The following THNSL2 variants were observed in gnomAD, a reference collection of about 807,000 sequenced individuals.
THNSL2 encodes threonine synthase-like 2.
Under a neutral mutation model 40.0 loss-of-function variants are expected in THNSL2, and 34 were observed. The ratio of observed to expected loss-of-function variants is 0.85; its 90% CI spans 0.65 to 1.13. The LOEUF is 1.13. THNSL2 is among the 50% of genes most tolerant of loss of function. The pLI is 0.00. For synonymous variants in THNSL2, 241 were observed against 247.5 expected, an observed-to-expected ratio of 0.97 and a Z score of 0.25; for missense variants, 537 against 608.8, an observed-to-expected ratio of 0.88 and a Z score of 1.24.
At chr2:88,184,503 G>A (rs115513385) in intron 7 of THNSL2, among the ~76,000 whole-genome samples, 3,750 of 152,156 alleles carry the variant, frequency 0.025, 156 homozygotes, top group African/African-American at 0.086. Flanking sequence ...GATGGCTCAC[G>A]CCTCTAATCC....
At chr2:88,183,958 A>G (rs1677984152) in intron 7 of THNSL2, among the ~76,000 whole-genome samples, 1 of 152,198 alleles carries the variant, frequency 6.6e-6, no homozygotes, top group Non-Finnish European at 1.5e-5. Context: ...TCTAGCTTAC[A>G]CAGTCTGATT....
intron 5 of THNSL2, among the ~76,000 whole-genome samples, chr2:88,179,740 A>G (rs1440501839): frequency 6.6e-6 from 1 of 152,234 alleles, no homozygotes; most frequent in African/African-American, 2.4e-5. Flanking sequence ...TGCTTTTCAC[A>G]TATGAACTCA....
chr2:88,185,509 G>T, intron 8 of THNSL2, 30 bp downstream of exon 8: 1 of 1,580,336 alleles, frequency 6.3e-7, no homozygotes, highest in East Asian at 2.3e-5. Flanking sequence ...GGGCCACTGA[G>T]GGACCATTTG....
intron 8 of THNSL2, 188 bp from the exon 9 acceptor site, chr2:88,185,710 G>A (rs924752554): frequency 1.7e-5 from 26 of 1,551,162 alleles, no homozygotes; most frequent in Non-Finnish European, 2.3e-5. Flanking sequence ...CCAACCAGGA[G>A]GAGCAGTTTG....
intron 1 of THNSL2, chr2:88,171,322 G>A (rs1234035092): frequency 4.4e-6 from 2 of 456,562 alleles, no homozygotes; most frequent in Non-Finnish European, 8.8e-6. Flanking sequence ...GTGCTCATCA[G>A]GCCAGCTCCT....
At chr2:88,180,166 C>T (rs1014558768) in intron 5 of THNSL2, among the ~76,000 whole-genome samples, 1 of 152,350 alleles carries the variant, frequency 6.6e-6, no homozygotes, top group South Asian at 2.1e-4. Context: ...CAGAGCCTAC[C>T]ACAGTGCTCG....
At chr2:88,170,849 C>T (rs1676290175) in intron 1 of THNSL2, among the ~76,000 whole-genome samples, 1 of 137,392 alleles carries the variant, frequency 7.3e-6, no homozygotes. Flanking sequence ...GCCGTCGGCT[C>T]CTGGGGTCCG....
intron 4 of THNSL2, chr2:88,177,147 A>C (rs1677020262): frequency 6.6e-6 from 1 of 152,132 alleles, no homozygotes; most frequent in Admixed American, 6.5e-5. Flanking sequence ...CTGGACCTGA[A>C]GGGGGTGTTT....
chr2:88,178,744 A>G (rs777293362), intron 4 of THNSL2, 39 bp from the exon 5 acceptor site: 8 of 1,611,220 alleles, frequency 5.0e-6, no homozygotes, highest in East Asian at 2.2e-5. Flanking sequence ...GGGGTTCTAC[A>G]TGCTCCTGAC....
chr2:88,174,710 C>T lies in THNSL2; in HGVS notation c.295C>T (p.Leu99=). The T allele has an allele frequency of 6.2e-7, 1 of 1,614,200 alleles. No homozygotes were observed. Among genetic ancestry groups the T allele is most frequent in the Non-Finnish European group, 8.5e-7 (1 of 1,180,040 alleles). Residue 99 remains leucine, a synonymous_variant, in exon 3 of 9, where the codon CTG becomes TTG. Transcript: ENST00000674334. ...CCATCTGTCCAGGTTGAGGAATGGG[C>T]TGAACGTGTTGGAGCTGTGGCATGG... is the stretch of plus-strand genomic sequence containing the variant. ...VVHLSRLRNG[L]NVLELWHGVT...
intron 4 of THNSL2, among the ~76,000 whole-genome samples, chr2:88,177,508 C>G (rs1167486938): frequency 6.6e-6 from 1 of 152,116 alleles, no homozygotes; most frequent in African/African-American, 2.4e-5. Flanking sequence ...CTAGAAGTAG[C>G]AAAAAATTCA....
In THNSL2 at chr2:88,174,647, G is replaced by A. The variant is rs34841493; in HGVS notation, c.232G>A (p.Asp78Asn). ...CCCCACTACCCTCACAGATCTGATC[G>A]ACCGAGCCTTCAGCAGATTCCGTCA... Reference protein sequence around the residue: ...LPKDELNDLIDRAFSRFRHRE... With the variant: ...LPKDELNDLINRAFSRFRHRE... Residue 78 changes from aspartate to asparagine, a missense_variant, in exon 3 of 9, where the codon GAC becomes AAC. Physicochemically the swap from Asp to Asn is conservative, Grantham distance 23. Transcript: ENST00000674334. 0.011 allele frequency: 18,469 copies of A among 1,613,846 alleles called. 111 individuals carry two copies. Among genetic ancestry groups the A allele is most frequent in the Non-Finnish European group, 0.013 (15,604 of 1,179,872 alleles).
At chr2:88,185,670 C>T (rs561147653) in intron 8 of THNSL2, 191 bp downstream of exon 8, 1 of 1,551,576 alleles carries the variant, frequency 6.4e-7, no homozygotes, top group African/African-American at 1.4e-5. Context: ...CAGGGACAGC[C>T]ATGGTCAGAG....
In THNSL2 at chr2:88,170,421, C is replaced by CGGGCCT. The variant is rs1336061747; in HGVS notation, c.-48_-47insGGGCCT. 510 of 53,984 alleles carry CGGGCCT rather than the reference C, an allele frequency of 9.4e-3. 3 individuals carry two copies. The highest frequency in any genetic ancestry group is 0.027 in the South Asian group (86 of 3,158). The allele number at this position is 53,984 out of a possible 1,614,324, so 3.3% of individuals were successfully genotyped here. Reference sequence around the variant, plus strand: ...CCTGCTGCGCACCGGGCCTCGCGCCCCGCGCCCCGCGCCCCGCGCCCCGCG... The same window carrying CGGGCCT: ...CCTGCTGCGCACCGGGCCTCGCGCCCGGGCCTCGCGCCCCGCGCCCCGCGCCCCGCG... On this transcript the variant is annotated 5_prime_UTR_variant, in exon 1 of 9. Coordinates refer to ENST00000674334, the MANE Select transcript of THNSL2 (RefSeq NM_018271.5).
At chr2:88,171,573 T>C (rs1676383041) in intron 1 of THNSL2, 1 of 278,046 alleles carries the variant, frequency 3.6e-6, no homozygotes, top group Non-Finnish European at 7.4e-6. Flanking sequence ...GCCTTTCTGT[T>C]ACTCCACGGT....
In THNSL2 at chr2:88,185,444, C is replaced by T; in HGVS notation, c.1194C>T (p.Asn398=). The change falls in exon 8 of 9, where the codon AAC becomes AAT. Residue 398 remains asparagine, a synonymous_variant. Transcript: ENST00000674334. ...LLCPHSAVAV[N]YHYQQIDRQQ... is the part of the protein sequence containing the mutation. ...GCCCCCACTCAGCGGTGGCCGTGAA[C>T]TACCATTACCAGCAGATAGACAGGC... 6.2e-7 allele frequency: 1 copy of T among 1,613,320 alleles called. No individual in the cohort carries two copies. The highest frequency in any genetic ancestry group is 1.1e-5 in the South Asian group (1 of 90,890).
Position 88,173,309 on chromosome 2 carries a change from C to T in THNSL2, c.159C>T (p.Gly53=). ...AGTGGAGCACACTCTCCTATCCTGG[C>T]CTGGTGAAGGAGCTGTGTGCCCTCT... ...LCQWSTLSYP[G]LVKELCALFI... is the part of the protein sequence containing the mutation. Residue 53 remains glycine (G), a synonymous_variant, in exon 2 of 9, where the codon GGC becomes GGT. Transcript: ENST00000674334. 1 of 1,612,600 alleles carries T rather than the reference C, an allele frequency of 6.2e-7. No individual in the cohort carries two copies.
rs377730165 is a variant in THNSL2, at chr2:88,185,389, G to A, written c.1139G>A (p.Arg380His). ...GAAGCCATCACCCAGACCATGGGCC[G>A]CTGCTGGGATGAGAACCAGTACTTG... The part of the protein sequence containing the change: ...SDEAITQTMG[R>H]CWDENQYLLC... Residue 380 changes from arginine (R) to histidine (H), a missense_variant, in exon 8 of 9, where the codon CGC becomes CAC. Physicochemically the swap from Arg to His is conservative, Grantham distance 29. Transcript: ENST00000674334. The A allele has an allele frequency of 5.9e-5, 96 of 1,613,916 alleles. No homozygotes were observed. The highest frequency in any genetic ancestry group is 7.2e-5 in the Non-Finnish European group (85 of 1,180,016).
rs748117852 is a variant in THNSL2 at position 88,174,781 on chromosome 2, G to A, written c.366G>A (p.Gln122=). 3.7e-6 allele frequency: 6 copies of A among 1,614,234 alleles called. No individual in the cohort carries two copies. The South Asian group carries it at 5.5e-5, about 15-fold the overall frequency. The change falls in exon 3 of 9, where the codon CAG becomes CAA. Residue 122 remains glutamine (Q), a synonymous_variant. Transcript: ENST00000674334. ...ACCTGTCCCTGTCCTGCACAACACA[G>A]TTCCTGCAGTACTTCCTGGAGAAGA... The part of the protein sequence containing the change: ...FKDLSLSCTT[Q]FLQYFLEKRE...
Sources: gnomAD v4.1 joint callset for allele counts (sites outside exome capture counted in the v4.1 genomes callset) on GRCh38, gnomAD v4.1.1 for gene constraint, MANE v1.5 for transcripts, NCBI Gene and HGNC (gene_info 2026-07-23, HGNC 2026-07-21) for gene names.